Variants in HADHB observed in about 807,000 individuals in gnomAD.
HADHB encodes the protein trifunctional enzyme subunit beta, mitochondrial.
Under a neutral mutation model 61.9 loss-of-function variants are expected in HADHB, and 50 were observed. The ratio of observed to expected loss-of-function variants is 0.81; its 90% CI spans 0.64 to 1.02. HADHB has a LOEUF of 1.02. Among genes scored for constraint, HADHB ranks in the 50% least tolerant of loss-of-function variants. HADHB has a pLI of 0.00. For synonymous variants in HADHB, 191 were observed against 201.6 expected (o/e 0.95, Z 0.45); for missense variants, 504 against 586.5 (o/e 0.86, Z 1.45).
At chr2:26,274,247 A>G (rs1037930421) in intron 6 of HADHB, among the ~76,000 whole-genome samples, 21 of 152,230 alleles carry the variant, frequency 1.4e-4, no homozygotes, top group African/African-American at 4.8e-4. Flanking sequence ...CTTTTGCCCT[A>G]GTTGGCATAG....
At chr2:26,249,214 A>C (rs941700951) in intron 1 of HADHB, among the ~76,000 whole-genome samples, 2 of 151,948 alleles carry the variant, frequency 1.3e-5, no homozygotes, top group African/African-American at 4.8e-5. Flanking sequence ...AATAACAGAA[A>C]ATTCAAATCA....
chr2:26,277,884 C>T (rs1182952846), intron 7 of HADHB, among the ~76,000 whole-genome samples: 3 of 152,230 alleles, frequency 2.0e-5, no homozygotes, highest in Non-Finnish European at 2.9e-5. Flanking sequence ...ACTTGTAAAT[C>T]ATTGCTTTAG....
At chr2:26,279,006 T>C in intron 8 of HADHB, 129 bp from the exon 9 acceptor site, 3 of 930,042 alleles carry the variant, frequency 3.2e-6, no homozygotes, top group Non-Finnish European at 5.3e-6. Context: ...ATCCTCTGCT[T>C]GTCTTGGACT....
Position 26,249,840 on chromosome 2 carries a change from C to CCT in HADHB, c.-8-4406_-8-4405dup, listed in dbSNP as rs879493335. 2.8e-3 allele frequency among the ~76,000 whole-genome samples: 426 copies of CCT among 151,998 alleles called. 1 individual carries two copies. Among genetic ancestry groups the CCT allele is most frequent in the Middle Eastern group, 6.8e-3 (2 of 294 alleles). On this transcript the variant is annotated intron_variant, in intron 1 of 15. Coordinates refer to ENST00000317799, the MANE Select transcript of HADHB (RefSeq NM_000183.3). ...TGCATGGTTGTTTGAGGCCTTGGTA[C>CCT]CTGAATCAATGATCTTGGCAGAGAG...
At chr2:26,253,378 A>C (rs1232833277) in intron 1 of HADHB, among the ~76,000 whole-genome samples, 1 of 152,174 alleles carries the variant, frequency 6.6e-6, no homozygotes, top group African/African-American at 2.4e-5. Flanking sequence ...CACCATCCCT[A>C]TTTAGTGTAT....
Position 26,254,240 on chromosome 2 carries a change from T to C in HADHB, c.-8-7T>C. ...TCCAGGATATACTTTTGTTCTTCTC[T>C]TTTTAGATTCCAGAATGACTATCTT... On this transcript the variant is annotated splice_polypyrimidine_tract_variant and splice_region_variant and intron_variant, in intron 1 of 15. Coordinates refer to ENST00000317799, the MANE Select transcript of HADHB (RefSeq NM_000183.3). The C allele has an allele frequency of 8.4e-7, 1 of 1,192,544 alleles. No homozygotes were observed. 73.9% of individuals were successfully genotyped at this position (1,192,544 alleles called of 1,614,324 possible).
chr2:26,278,622 T>C lies in HADHB; in HGVS notation c.451T>C (p.Leu151=), dbSNP rs778752845. Residue 151 remains leucine, a synonymous_variant, in exon 8 of 16, where the codon TTG becomes CTG. Transcript: ENST00000317799. The stretch of plus-strand genomic sequence containing the variant: ...TAACCTGTGCCCTGTAGGTGTTGGC[T>C]TGATTGCTTCTGGCCAGTGTGATGT... ...ANQAMTTGVG[L]IASGQCDVIV... 12 of 1,613,868 alleles carry C rather than the reference T, an allele frequency of 7.4e-6. No individual in the cohort carries two copies. The highest frequency in any genetic ancestry group is 1.0e-5 in the Non-Finnish European group (12 of 1,179,712).
In HADHB at chr2:26,285,551, G is replaced by A. The variant is rs930283682; in HGVS notation, c.1369G>A (p.Ala457Thr). 4 of 1,613,984 alleles carry A rather than the reference G, an allele frequency of 2.5e-6. No individual in the cohort carries two copies. The Admixed American group carries it at 6.7e-5, about 27-fold the overall frequency. ...AGGAGGCCAGTATGGCTTAGTGGCT[G>A]CGTGTGCAGCTGGAGGGCAGGTACG... is the stretch of plus-strand genomic sequence containing the variant. ...KEGGQYGLVA[A>T]CAAGGQGHAM... Residue 457 changes from alanine (A) to threonine (T), a missense_variant, in exon 15 of 16, where the codon GCG (alanine) becomes ACG (threonine). By Grantham distance (58) the Ala-to-Thr change is moderately conservative (BLOSUM62 0). Coordinates refer to ENST00000317799, the MANE Select transcript of HADHB (RefSeq NM_000183.3).
chr2:26,245,246 AAGTCTGGG>A, intron 1 of HADHB: 1 of 174,804 alleles, frequency 5.7e-6, no homozygotes, highest in Non-Finnish European at 1.3e-5. Flanking sequence ...CAAGTTAACG[AAGTCTGGG>A]GGTGTGGGGG....
intron 4 of HADHB, among the ~76,000 whole-genome samples, chr2:26,265,405 G>A (rs1308008036): frequency 1.3e-5 from 2 of 152,144 alleles, no homozygotes; most frequent in African/African-American, 4.8e-5. Context: ...AGACCAGCCC[G>A]GCCAATATGG....
intron 1 of HADHB, among the ~76,000 whole-genome samples, chr2:26,246,599 C>T (rs533886186): frequency 1.3e-5 from 2 of 152,196 alleles, no homozygotes; most frequent in Admixed American, 6.5e-5. Context: ...CCTCTGCCCC[C>T]CAAAGTGCTG....
At chr2:26,271,044 A>C (rs1434752744) in intron 5 of HADHB, among the ~76,000 whole-genome samples, 2 of 145,774 alleles carry the variant, frequency 1.4e-5, no homozygotes, top group Non-Finnish European at 3.0e-5. Context: ...ATGCCCGGCT[A>C]ATTTTTTTTT....
chr2:26,285,048 G>T, intron 14 of HADHB, 91 bp downstream of exon 14: 1 of 761,864 alleles, frequency 1.3e-6, no homozygotes, highest in Non-Finnish European at 2.4e-6. Context: ...TGAAGGGAAA[G>T]CTTCTCTTTC....
chr2:26,289,140 C>T (rs925951883), intron 15 of HADHB, among the ~76,000 whole-genome samples: 1 of 152,120 alleles, frequency 6.6e-6, no homozygotes, highest in Non-Finnish European at 1.5e-5. Context: ...GTCCCAGCTA[C>T]TCGGGAGGCT....
intron 1 of HADHB, among the ~76,000 whole-genome samples, chr2:26,247,556 T>C (rs1406684108): frequency 6.6e-6 from 1 of 152,218 alleles, no homozygotes; most frequent in South Asian, 2.1e-4. Flanking sequence ...ATATAAGATA[T>C]TGATGTACAG....
intron 4 of HADHB, among the ~76,000 whole-genome samples, chr2:26,265,971 C>T (rs1053449161): frequency 2.0e-5 from 3 of 151,850 alleles, no homozygotes; most frequent in African/African-American, 2.4e-5. Flanking sequence ...GAGGCGGAGG[C>T]GGGAGGATCA....
rs1415179205 is a variant in HADHB, at chr2:26,279,118, G to A, written c.631-17G>A. 6.2e-7 allele frequency: 1 copy of A among 1,606,634 alleles called. No homozygotes were observed. On this transcript the variant is annotated splice_polypyrimidine_tract_variant and intron_variant, in intron 8 of 15. Coordinates refer to ENST00000317799, the MANE Select transcript of HADHB (RefSeq NM_000183.3). The stretch of plus-strand genomic sequence containing the variant: ...CGGTTAACAGTGTACCTGCTCCTTG[G>A]ATATCTCCTTTCCCAGCTCCCTGCG...
intron 15 of HADHB, among the ~76,000 whole-genome samples, chr2:26,289,438 A>C (rs926096848): frequency 2.6e-5 from 4 of 152,126 alleles, no homozygotes; most frequent in African/African-American, 9.6e-5. Flanking sequence ...TGAGTCACTT[A>C]ACCTTTCAGA....
chr2:26,277,283 G>T, intron 7 of HADHB, 123 bp downstream of exon 7: 1 of 595,856 alleles, frequency 1.7e-6, no homozygotes. Context: ...TGTCACTCAG[G>T]CTGGAGTGCA....
Sources: gnomAD v4.1 joint callset for allele counts (sites outside exome capture counted in the v4.1 genomes callset) on GRCh38, gnomAD v4.1.1 for gene constraint, MANE v1.5 for transcripts, NCBI Gene and HGNC (gene_info 2026-07-23, HGNC 2026-07-21) for gene names.